The following VSTM2B variants were observed in gnomAD, a reference collection of about 807,000 sequenced individuals.
The protein encoded by VSTM2B is V-set and transmembrane domain-containing protein 2B.
VSTM2B carries 24 observed loss-of-function variants against 24.0 expected under a neutral mutation model. The observed-to-expected ratio is 1.00, with a 90% CI of 0.72 to 1.40. The LOEUF (loss-of-function observed/expected upper bound fraction) is 1.40. VSTM2B is among the 40% of genes most tolerant of loss of function. The probability of loss-of-function intolerance (pLI) is 0.00; values close to 1 mark genes in which losing one functional copy is unlikely to be tolerated. For missense variants in VSTM2B, 399 were observed against 416.4 expected (o/e 0.96, Z 0.36); for synonymous variants, 226 against 194.4 (o/e 1.16, Z -1.35).
At position 29,549,654 on chromosome 19, in the gene VSTM2B, C is replaced by T. The variant is rs188663516; in HGVS notation, c.770-14192C>T. Among the ~76,000 whole-genome samples, 75 of 152,310 alleles carry T rather than the reference C, an allele frequency of 4.9e-4. 3 individuals are homozygous for T. In the East Asian group the frequency reaches 0.01, roughly 21 times the overall value. ...CCCTGACGCTGGCCTCAGTGCTGGC[C>T]CTGACACGGGCCTTGGCATCTGGAC... On this transcript the variant is annotated intron_variant, in intron 4 of 4. Coordinates refer to ENST00000335523, the MANE Select transcript of VSTM2B (RefSeq NM_001146339.2).
intron 4 of VSTM2B, among the ~76,000 whole-genome samples, chr19:29,549,136 T>C (rs967266427): frequency 1.3e-5 from 2 of 152,256 alleles, no homozygotes; most frequent in African/African-American, 4.8e-5. Context: ...AATTTTTACA[T>C]GCCAGATTAT....
chr19:29,543,626 A>G (rs1970075740), intron 4 of VSTM2B, among the ~76,000 whole-genome samples: 1 of 152,216 alleles, frequency 6.6e-6, no homozygotes, highest in Admixed American at 6.5e-5. Context: ...GCCTGGACCC[A>G]TACAGTGAGC....
rs1386909785 is a variant in VSTM2B, at chr19:29,528,451, A to G, written c.286A>G (p.Thr96Ala). ...ATTTTAGGTAACAAATAAGGATGCA[A>G]CTAAAATCAGCGTAAGTGTGGAGCC... ...ARSKVTNKDA[T>A]KISTVRVQGN... The change falls in exon 3 of 5, where the codon ACT becomes GCT. Residue 96 changes from threonine (T) to alanine (A), a missense_variant. Physicochemically the swap from Thr to Ala is moderately conservative, Grantham distance 58 (BLOSUM62 0). Transcript: ENST00000335523. 1 of 1,551,114 alleles carries G rather than the reference A, an allele frequency of 6.4e-7. No homozygotes were observed. The highest frequency in any genetic ancestry group is 8.7e-7 in the Non-Finnish European group (1 of 1,146,954).
chr19:29,562,223 G>C (rs946758708), intron 4 of VSTM2B, among the ~76,000 whole-genome samples: 3 of 152,172 alleles, frequency 2.0e-5, no homozygotes, highest in African/African-American at 7.2e-5. Context: ...AGGATGATGG[G>C]GGCCAGGACA....
chr19:29,558,560 C>G (rs8100783), intron 4 of VSTM2B, among the ~76,000 whole-genome samples: 13,556 of 152,096 alleles, frequency 0.089, 1,277 homozygotes, highest in African/African-American at 0.24. Flanking sequence ...GTCCTTTACA[C>G]GGACATGGAT....
At chr19:29,542,271 G>T (rs1970038940) in intron 4 of VSTM2B, among the ~76,000 whole-genome samples, 3 of 151,862 alleles carry the variant, frequency 2.0e-5, no homozygotes, top group African/African-American at 7.3e-5. Context: ...GGGTAGATGG[G>T]TGGATTGATG....
In VSTM2B at chr19:29,527,278, G is replaced by A; in HGVS notation, c.150G>A (p.Ala50=). The change falls in exon 2 of 5, where the codon GCG becomes GCA. Residue 50 remains alanine (A), a synonymous_variant. Coordinates refer to ENST00000335523, the MANE Select transcript of VSTM2B (RefSeq NM_001146339.2). ...GAGACGACATCGAAATGCCCTGCGC[G>A]TTCCGGGCCAGCGGAGCCACCTCGT... ...REGDDIEMPC[A]FRASGATSYS... 6.4e-7 allele frequency: 1 copy of A among 1,550,512 alleles called. No individual in the cohort carries two copies. The highest frequency in any genetic ancestry group is 1.4e-5 in the African/African-American group (1 of 73,146).
At chr19:29,556,365 G>C (rs1365880890) in intron 4 of VSTM2B, among the ~76,000 whole-genome samples, 1 of 152,116 alleles carries the variant, frequency 6.6e-6, no homozygotes, top group Admixed American at 6.5e-5. Context: ...CAATTAACTA[G>C]GTATTGATGG....
chr19:29,553,697 A>G (rs1183024420), intron 4 of VSTM2B, among the ~76,000 whole-genome samples: 1 of 152,224 alleles, frequency 6.6e-6, no homozygotes, highest in East Asian at 1.9e-4. Context: ...AGGAGCTGTT[A>G]ACCAGAATAA....
In VSTM2B at chr19:29,526,033, C is replaced by G. The variant is rs1298881716; in HGVS notation, c.-551C>G. 6.6e-6 allele frequency among the ~76,000 whole-genome samples: 1 copy of G among 152,046 alleles called. No individual in the cohort carries two copies. Among genetic ancestry groups the G allele is most frequent in the Non-Finnish European group, 1.5e-5 (1 of 67,968 alleles). On this transcript the variant is annotated 5_prime_UTR_variant, in exon 1 of 5. Coordinates refer to ENST00000335523, the MANE Select transcript of VSTM2B (RefSeq NM_001146339.2). The surrounding 1 kb of genome is among the most constrained non-coding windows in gnomAD (Gnocchi z 4.1). ...CCGGGTCCGCCACGCCGGACCCGCT[C>G]TCCCCGCGCTGCGCTGGGTCGGACG...
At chr19:29,559,067 A>C (rs542417163) in intron 4 of VSTM2B, among the ~76,000 whole-genome samples, 1 of 152,282 alleles carries the variant, frequency 6.6e-6, no homozygotes, top group Non-Finnish European at 1.5e-5. Flanking sequence ...TTCCTCAAGG[A>C]TCTAGAACCA....
chr19:29,563,967 G>A lies in VSTM2B; in HGVS notation c.*33G>A, dbSNP rs1049893013. ...GACCAACCCGAGCATCTCAGAGGCC[G>A]CACATGACCTGCCCGGGGCCCTCGG... On this transcript the variant is annotated 3_prime_UTR_variant, in exon 5 of 5. Coordinates refer to ENST00000335523, the MANE Select transcript of VSTM2B (RefSeq NM_001146339.2). The A allele has an allele frequency of 3.1e-5, 48 of 1,534,374 alleles. No homozygotes were observed. The highest frequency in any genetic ancestry group is 1.7e-4 in the Middle Eastern group (1 of 5,998).
At chr19:29,562,816 C>T (rs974493667) in intron 4 of VSTM2B, among the ~76,000 whole-genome samples, 1 of 152,090 alleles carries the variant, frequency 6.6e-6, no homozygotes, top group African/African-American at 2.4e-5. Context: ...GGGAGCCAGG[C>T]GGGGGACCAA....
rs143319507 is a variant in VSTM2B, at chr19:29,559,793, T to A, written c.770-4053T>A. Among the ~76,000 whole-genome samples the A allele has an allele frequency of 2.6e-4, 39 of 152,290 alleles. 1 individual carries two copies. The East Asian group carries it at 3.7e-3, about 14-fold the overall frequency. Reference sequence around the variant, plus strand: ...CTATTTGCATGGCACTTGACTCTGTTTGAGGCGCTGTTGTTTACATGTTTG... The same window carrying A: ...CTATTTGCATGGCACTTGACTCTGTATGAGGCGCTGTTGTTTACATGTTTG... On this transcript the variant is annotated intron_variant, in intron 4 of 4. Transcript: ENST00000335523.
intron 4 of VSTM2B, among the ~76,000 whole-genome samples, chr19:29,561,379 T>A (rs2145520308): frequency 6.6e-6 from 1 of 152,072 alleles, no homozygotes; most frequent in African/African-American, 2.4e-5. Context: ...ATCCCAGCAC[T>A]TTGGGAGGCC....
chr19:29,526,521 A>T lies in VSTM2B; in HGVS notation c.-63A>T. 1 of 1,362,418 alleles carries T rather than the reference A, an allele frequency of 7.3e-7. No individual in the cohort carries two copies. Among genetic ancestry groups the T allele is most frequent in the Non-Finnish European group, 9.8e-7 (1 of 1,023,652 alleles). The allele number at this position is 1,362,418 out of a possible 1,614,324, so 84.4% of individuals were successfully genotyped here. On this transcript the variant is annotated 5_prime_UTR_variant, in exon 1 of 5. Transcript: ENST00000335523. This position sits in a 1 kb window ranked among gnomAD's most constrained non-coding sequence, Gnocchi z 4.1. Reference sequence around the variant, plus strand: ...CCTAGCCCGAGCCGGAGCCGATCCGAGCCCACGCGGCCGCCGCCTCTCCGC... The same window carrying T: ...CCTAGCCCGAGCCGGAGCCGATCCGTGCCCACGCGGCCGCCGCCTCTCCGC...
chr19:29,549,057 C>G (rs1250881555), intron 4 of VSTM2B, among the ~76,000 whole-genome samples: 1 of 152,220 alleles, frequency 6.6e-6, no homozygotes, highest in Non-Finnish European at 1.5e-5. Context: ...GAAAAGCAGT[C>G]CTGGGGTTGC....
chr19:29,529,172 A>G, intron 3 of VSTM2B: 2 of 977,072 alleles, frequency 2.0e-6, no homozygotes, highest in Non-Finnish European at 2.4e-6. Context: ...GCAGGGGAGG[A>G]GCACTTCGCT....
intron 3 of VSTM2B, 124 bp from the exon 4 acceptor site, chr19:29,529,695 T>C: frequency 1.0e-6 from 1 of 969,992 alleles, no homozygotes; most frequent in South Asian, 1.5e-5. Flanking sequence ...CGGATCGTGA[T>C]GGTGGGCAAA....
Sources: allele counts gnomAD v4.1 joint callset (sites outside exome capture counted in the v4.1 genomes callset), GRCh38; gene constraint gnomAD v4.1.1; non-coding constraint Gnocchi (gnomAD v3.1); transcripts MANE v1.5; gene names NCBI Gene and HGNC (gene_info 2026-07-23, HGNC 2026-07-21).